COL10A1: variants seen among roughly 807,000 people sequenced by gnomAD.
The protein encoded by COL10A1 is collagen type X alpha 1 chain.
A neutral mutation model predicts 18.2 loss-of-function variants in COL10A1; 10 were observed. The ratio of observed to expected loss-of-function variants is 0.55; its 90% CI spans 0.34 to 0.93. The LOEUF is 0.93. Among genes scored for constraint, COL10A1 ranks in the 40% least tolerant of loss-of-function variants. The probability of loss-of-function intolerance (pLI) is 0.02; values close to 1 mark genes in which losing one functional copy is unlikely to be tolerated. For synonymous variants in COL10A1, 330 were observed against 316.6 expected (o/e 1.04, Z -0.45); for missense variants, 897 against 853.5 (o/e 1.05, Z -0.64).
At chr6:116,124,766 C>T (rs945480091) in intron 2 of COL10A1, among the ~76,000 whole-genome samples, 2 of 152,134 alleles carry the variant, frequency 1.3e-5, no homozygotes, top group Non-Finnish European at 2.9e-5. Context: ...TACCGCTAAA[C>T]TATATTCAAA....
chr6:116,121,893 C>T lies in COL10A1; in HGVS notation c.223G>A (p.Gly75Ser). Residue 75 changes from glycine to serine, a missense_variant, in exon 3 of 3, where the codon GGT becomes AGT. By Grantham distance (56) the Gly-to-Ser change is moderately conservative (BLOSUM62 0). Transcript: ENST00000651968. Reference sequence around the variant, plus strand: ...GGTTTTCCTGGTGGTCCAGAAGGACCTGGGTGCCCTCGAGGTCCAGCAGGG... The same window carrying T: ...GGTTTTCCTGGTGGTCCAGAAGGACTTGGGTGCCCTCGAGGTCCAGCAGGG... ...PGPAGPRGHP[G>S]PSGPPGKPGY... 1 of 1,614,024 alleles carries T rather than the reference C, an allele frequency of 6.2e-7. No individual in the cohort carries two copies. The highest frequency in any genetic ancestry group is 8.5e-7 in the Non-Finnish European group (1 of 1,179,996).
the COL10A1 span, among the ~76,000 whole-genome samples, chr6:116,203,140 C>T: frequency 6.6e-6 from 1 of 151,892 alleles, no homozygotes. Context: ...AACCAAATTA[C>T]CAAGTGGTTG....
the COL10A1 span, among the ~76,000 whole-genome samples, chr6:116,194,327 T>C: frequency 6.6e-6 from 1 of 152,088 alleles, no homozygotes; most frequent in Non-Finnish European, 1.5e-5. Context: ...ACAAGTAATA[T>C]TTATATTCAT....
At chr6:116,204,962 G>T in the COL10A1 span, among the ~76,000 whole-genome samples, 1 of 151,954 alleles carries the variant, frequency 6.6e-6, no homozygotes, top group Non-Finnish European at 1.5e-5. Flanking sequence ...ACATGTATAT[G>T]TGTGTGTAAG....
the COL10A1 span, among the ~76,000 whole-genome samples, chr6:116,164,183 G>A: frequency 6.6e-6 from 1 of 152,136 alleles, no homozygotes; most frequent in African/African-American, 2.4e-5. Flanking sequence ...TTTTCTCTGG[G>A]ATGTCGAAGT....
At chr6:116,213,265 G>T in the COL10A1 span, among the ~76,000 whole-genome samples, 6 of 152,052 alleles carry the variant, frequency 3.9e-5, no homozygotes, top group Non-Finnish European at 7.4e-5. Context: ...TGTCCAAGGG[G>T]CTCACTATGT....
At chr6:116,139,821 T>C (rs186181532) in intron 1 of COL10A1, among the ~76,000 whole-genome samples, 3 of 152,304 alleles carry the variant, frequency 2.0e-5, no homozygotes, top group Non-Finnish European at 4.4e-5. Flanking sequence ...GCCATTTGTA[T>C]AAAAGTTGTG....
the COL10A1 span, among the ~76,000 whole-genome samples, chr6:116,165,393 G>C: frequency 6.6e-6 from 1 of 152,152 alleles, no homozygotes; most frequent in South Asian, 2.1e-4. Context: ...AACAAGATCA[G>C]GGAAATTTTC....
At chr6:116,122,536 A>G (rs1779161705) in intron 2 of COL10A1, among the ~76,000 whole-genome samples, 1 of 152,224 alleles carries the variant, frequency 6.6e-6, no homozygotes, top group African/African-American at 2.4e-5. Flanking sequence ...AGAGAATTAG[A>G]CATAATAGGT....
intron 1 of COL10A1, among the ~76,000 whole-genome samples, chr6:116,145,948 C>G (rs568298399): frequency 1.3e-5 from 2 of 152,306 alleles, no homozygotes; most frequent in African/African-American, 4.8e-5. Flanking sequence ...GGTATGCAGT[C>G]TAGTGTTTGT....
At chr6:116,124,307 G>C (rs1779226807) in intron 2 of COL10A1, among the ~76,000 whole-genome samples, 1 of 151,984 alleles carries the variant, frequency 6.6e-6, no homozygotes, top group African/African-American at 2.4e-5. Flanking sequence ...TTATGGAAAG[G>C]GAGTTTGAAG....
In COL10A1 at chr6:116,149,554, A is replaced by G. The variant is rs1415533896; in HGVS notation, c.-16+9060T>C. Among the ~76,000 whole-genome samples the G allele has an allele frequency of 2.0e-5, 3 of 152,236 alleles. No individual in the cohort carries two copies. In the East Asian group the frequency reaches 5.8e-4, roughly 29 times the overall value. ...GAATGGTATTTGAATAGTGAAGTAC[A>G]TAATGCTTTTAACAAAGGTGAACCA... On this transcript the variant is annotated intron_variant, in intron 1 of 1. Coordinates refer to the COL10A1 transcript ENST00000418500.
chr6:116,190,986 ATTTT>A, the COL10A1 span, among the ~76,000 whole-genome samples: 5 of 151,950 alleles, frequency 3.3e-5, no homozygotes, highest in African/African-American at 1.2e-4. Flanking sequence ...CCAGCTCTTT[ATTTT>A]AAGTGAGGAA....
At chr6:116,173,216 T>C in the COL10A1 span, among the ~76,000 whole-genome samples, 2 of 152,196 alleles carry the variant, frequency 1.3e-5, no homozygotes, top group Middle Eastern at 6.3e-3. Context: ...AAACTATAAC[T>C]GTGTCAGTGG....
intron 1 of COL10A1, among the ~76,000 whole-genome samples, chr6:116,139,376 G>T (rs759234986): frequency 1.5e-4 from 23 of 152,084 alleles, no homozygotes; most frequent in Non-Finnish European, 2.4e-4. Flanking sequence ...GAATAATACA[G>T]TCTAAAGCTG....
the COL10A1 span, among the ~76,000 whole-genome samples, chr6:116,174,867 A>G: frequency 2.0e-5 from 3 of 152,180 alleles, no homozygotes; most frequent in African/African-American, 7.2e-5. Flanking sequence ...CAAACACTAC[A>G]TAAGCCATTT....
chr6:116,167,740 A>C, the COL10A1 span, among the ~76,000 whole-genome samples: 2 of 152,290 alleles, frequency 1.3e-5, no homozygotes, highest in Non-Finnish European at 2.9e-5. Context: ...GTCAATGCCC[A>C]TGACCGTTGT....
At position 116,154,751 on chromosome 6, in the gene COL10A1, A is replaced by G. The variant is rs73772297; in HGVS notation, c.-16+3863T>C. On this transcript the variant is annotated intron_variant, in intron 1 of 1. Coordinates refer to the COL10A1 transcript ENST00000418500. The stretch of plus-strand genomic sequence containing the variant: ...TCATTCATTCTATTTTATTTCACTC[A>G]TCAAACTAAAAACAAAGCACCGTTT... Among the ~76,000 whole-genome samples the G allele has an allele frequency of 4.9e-3, 741 of 152,320 alleles. 12 individuals are homozygous for G. The highest frequency in any genetic ancestry group is 0.043 in the South Asian group (209 of 4,830).
At chr6:116,154,103 C>T (rs1251152360) in intron 1 of COL10A1, among the ~76,000 whole-genome samples, 2 of 144,112 alleles carry the variant, frequency 1.4e-5, no homozygotes, top group Non-Finnish European at 3.0e-5. Context: ...GATGTTAAAA[C>T]ATGGCTCTCA....
Sources: gnomAD v4.1 joint callset for allele counts (sites outside exome capture counted in the v4.1 genomes callset) on GRCh38, gnomAD v4.1.1 for gene constraint, MANE v1.5 for transcripts, NCBI Gene and HGNC (gene_info 2026-07-23, HGNC 2026-07-21) for gene names.